CBLB: variants seen among roughly 807,000 people sequenced by gnomAD.
The protein encoded by CBLB is E3 ubiquitin-protein ligase CBL-B.
In CBLB, 31 loss-of-function variants were observed where a neutral mutation model predicts 104.9. That is an observed-to-expected ratio of 0.30 (90% CI 0.22 to 0.40). CBLB has a LOEUF of 0.40. Ranked by LOEUF, CBLB falls within the 10% of genes least tolerant of loss-of-function variation. The pLI, the probability that CBLB is intolerant of heterozygous loss-of-function variation, is 1.00. For missense variants in CBLB, 1,062 were observed against 1,214.6 expected (o/e 0.87, Z 1.87); for synonymous variants, 440 against 422.6 (o/e 1.04, Z -0.51).
intron 3 of CBLB, among the ~76,000 whole-genome samples, chr3:105,843,153 C>T (rs1305035313): frequency 6.6e-6 from 1 of 152,196 alleles, no homozygotes; most frequent in Non-Finnish European, 1.5e-5. Context: ...AAACTATTTA[C>T]TATCTGGCTC....
At chr3:105,705,880 A>G (rs557424740) in intron 10 of CBLB, among the ~76,000 whole-genome samples, 1 of 152,224 alleles carries the variant, frequency 6.6e-6, no homozygotes. Flanking sequence ...TGATGCCTGT[A>G]ATGCCAGCAC....
At chr3:105,828,364 G>T (rs904242596) in intron 3 of CBLB, among the ~76,000 whole-genome samples, 1 of 152,204 alleles carries the variant, frequency 6.6e-6, no homozygotes, top group Non-Finnish European at 1.5e-5. Context: ...ATGGATTTTG[G>T]AGGCAATTAG....
At chr3:105,794,918 CTTT>C (rs201226105) in intron 3 of CBLB, among the ~76,000 whole-genome samples, 2 of 142,294 alleles carry the variant, frequency 1.4e-5, no homozygotes, top group Non-Finnish European at 3.1e-5. Flanking sequence ...ATAATGGCAA[CTTT>C]TTTTTTTTTT....
intron 3 of CBLB, among the ~76,000 whole-genome samples, chr3:105,789,519 TTTAC>T (rs2081397234): frequency 6.6e-6 from 1 of 152,182 alleles, no homozygotes; most frequent in Admixed American, 6.5e-5. Context: ...CCAAAACGTA[TTTAC>T]TTAGATAACC....
intron 8 of CBLB, among the ~76,000 whole-genome samples, chr3:105,734,872 T>A (rs1432285344): frequency 6.6e-6 from 1 of 152,238 alleles, no homozygotes; most frequent in African/African-American, 2.4e-5. Context: ...CTTGATTGAT[T>A]GGGTTTTTAG....
chr3:105,716,817 G>A (rs753015870), intron 10 of CBLB, among the ~76,000 whole-genome samples: 2 of 152,190 alleles, frequency 1.3e-5, no homozygotes, highest in Non-Finnish European at 2.9e-5. Context: ...CTACTGAAGT[G>A]TGACTTCTAG....
chr3:105,690,064 A>G (rs908543066), intron 13 of CBLB, among the ~76,000 whole-genome samples: 3 of 152,186 alleles, frequency 2.0e-5, no homozygotes, highest in Non-Finnish European at 4.4e-5. Context: ...GTAAATGGGA[A>G]TCAGAGTAAA....
chr3:105,670,840 T>C (rs190802641), intron 17 of CBLB: 1 of 160,154 alleles, frequency 6.2e-6, no homozygotes, highest in Non-Finnish European at 1.4e-5. Context: ...CGGATTTGTG[T>C]GGATTAAATG....
At chr3:105,864,537 A>C (rs1259264664) in intron 2 of CBLB, among the ~76,000 whole-genome samples, 1 of 152,196 alleles carries the variant, frequency 6.6e-6, no homozygotes, top group Non-Finnish European at 1.5e-5. Flanking sequence ...CACAGAGCTA[A>C]GGCCAGAAAA....
chr3:105,867,192 C>T (rs55792486), intron 2 of CBLB, among the ~76,000 whole-genome samples: 2,062 of 152,294 alleles, frequency 0.014, 19 homozygotes, highest in Non-Finnish European at 0.02. Flanking sequence ...TAGAGGAACT[C>T]TGAACCTTAA....
At chr3:105,852,745 ATT>A (rs796358593) in intron 3 of CBLB, among the ~76,000 whole-genome samples, 1 of 146,064 alleles carries the variant, frequency 6.8e-6, no homozygotes, top group Non-Finnish European at 1.5e-5. Context: ...TTTATACAGT[ATT>A]TTTTTTTTTG....
At chr3:105,823,903 C>G (rs532358150) in intron 3 of CBLB, among the ~76,000 whole-genome samples, 3 of 152,146 alleles carry the variant, frequency 2.0e-5, no homozygotes, top group Non-Finnish European at 4.4e-5. Context: ...TTCTTAGGCC[C>G]TCAAACTCAA....
intron 16 of CBLB, among the ~76,000 whole-genome samples, chr3:105,680,359 C>T (rs953275485): frequency 2.0e-5 from 3 of 152,204 alleles, no homozygotes; most frequent in African/African-American, 7.2e-5. Flanking sequence ...AGTCACCCAT[C>T]CACATTTAGC....
intron 4 of CBLB, among the ~76,000 whole-genome samples, chr3:105,754,527 G>GAGAGAGAGAGAGAGAGAC (rs2076890990): frequency 1.5e-3 from 34 of 23,374 alleles, no homozygotes; most frequent in African/African-American, 3.1e-3. Flanking sequence ...GAGAGACAGA[G>GAGAGAGAGAGAGAGAGAC]AGAGAGAGAG....
chr3:105,664,219 A>G (rs937957735), intron 18 of CBLB, among the ~76,000 whole-genome samples: 1 of 152,190 alleles, frequency 6.6e-6, no homozygotes, highest in African/African-American at 2.4e-5. Context: ...GAGCTTCTGT[A>G]TATCTAGGTC....
At chr3:105,696,004 A>G (rs768824640) in intron 12 of CBLB, among the ~76,000 whole-genome samples, 5 of 151,630 alleles carry the variant, frequency 3.3e-5, no homozygotes, top group Non-Finnish European at 5.9e-5. Context: ...ATTATTACTG[A>G]AATACTCTCA....
At chr3:105,704,665 T>C (rs763763390) in intron 10 of CBLB, among the ~76,000 whole-genome samples, 10 of 152,166 alleles carry the variant, frequency 6.6e-5, no homozygotes. Flanking sequence ...AAAAAAATAA[T>C]TGTGTGTTTA....
At chr3:105,677,821 T>C (rs997147634) in intron 17 of CBLB, among the ~76,000 whole-genome samples, 1 of 148,952 alleles carries the variant, frequency 6.7e-6, no homozygotes, top group Non-Finnish European at 1.5e-5. Flanking sequence ...ATATAATATA[T>C]ACATATGTAA....
chr3:105,786,533 T>G (rs2081049835), intron 3 of CBLB, among the ~76,000 whole-genome samples: 1 of 152,144 alleles, frequency 6.6e-6, no homozygotes, highest in Non-Finnish European at 1.5e-5. Flanking sequence ...TTCTAAAAAG[T>G]GTTAGTCCTT....
Sources: allele counts gnomAD v4.1 joint callset (sites outside exome capture counted in the v4.1 genomes callset), GRCh38; gene constraint gnomAD v4.1.1; transcripts MANE v1.5; gene names NCBI Gene and HGNC (gene_info 2026-07-23, HGNC 2026-07-21).